Variants in EFCAB8 observed in about 807,000 individuals in gnomAD.
EFCAB8 encodes EF-hand calcium binding domain 8, also known as EF-hand calcium-binding domain-containing protein 8.
Under a neutral mutation model 116.3 loss-of-function variants are expected in EFCAB8, and 100 were observed. The observed-to-expected ratio is 0.86, with a 90% CI of 0.73 to 1.02. The LOEUF is 1.02. Ranked by LOEUF, EFCAB8 falls within the 50% of genes least tolerant of loss-of-function variation. The pLI is 0.00. For missense variants in EFCAB8, 1,320 were observed against 1,416.9 expected, an observed-to-expected ratio of 0.93 and a Z score of 1.10; for synonymous variants, 558 against 567.9, an observed-to-expected ratio of 0.98 and a Z score of 0.25.
At chr20:32,899,967 G>C (rs779345210) in intron 11 of EFCAB8, among the ~76,000 whole-genome samples, 17 of 152,160 alleles carry the variant, frequency 1.1e-4, no homozygotes, top group Admixed American at 5.9e-4. Flanking sequence ...CTGCTGGGTG[G>C]CTCTTGCCCC....
chr20:32,920,201 G>T lies in EFCAB8; in HGVS notation c.2398G>T (p.Ala800Ser). 6.4e-7 allele frequency: 1 copy of T among 1,551,716 alleles called. No homozygotes were observed. Among genetic ancestry groups the T allele is most frequent in the Non-Finnish European group, 8.7e-7 (1 of 1,146,988 alleles). Reference protein sequence around the residue: ...WQKNMLVQSSASVEKIIFLQT... With the variant: ...WQKNMLVQSSSSVEKIIFLQT... The stretch of plus-strand genomic sequence containing the variant: ...GAAGAATATGTTGGTTCAATCCAGT[G>T]CCTCGGTGGAGAAGGTTGGCCGTGA... Residue 800 changes from alanine (A) to serine (S), a missense_variant, in exon 20 of 27, where the codon GCC (alanine) becomes TCC (serine). Coordinates refer to ENST00000400522, the MANE Select transcript of EFCAB8 (RefSeq NM_001143967.2).
At chr20:32,932,047 G>A (rs1301112939) in intron 22 of EFCAB8, among the ~76,000 whole-genome samples, 1 of 152,102 alleles carries the variant, frequency 6.6e-6, no homozygotes. Flanking sequence ...CTTCATTAAC[G>A]GGCCTGATCA....
At chr20:32,865,715 C>G (rs1264148082) in intron 2 of EFCAB8, among the ~76,000 whole-genome samples, 1 of 151,608 alleles carries the variant, frequency 6.6e-6, no homozygotes, top group Non-Finnish European at 1.5e-5. Flanking sequence ...ACGAGAATCA[C>G]TTGAACCCAG....
intron 23 of EFCAB8, among the ~76,000 whole-genome samples, chr20:32,956,530 C>T (rs11699811): frequency 0.076 from 11,536 of 151,710 alleles, 465 homozygotes; most frequent in African/African-American, 0.11. Flanking sequence ...TTTATTTTGC[C>T]GTAAAATTTA....
chr20:32,931,142 G>T, intron 21 of EFCAB8, 36 bp from the exon 22 acceptor site: 1 of 1,489,778 alleles, frequency 6.7e-7, no homozygotes, highest in South Asian at 1.4e-5. Context: ...TCTGGGTCAA[G>T]GGGTGTGAGG....
rs1377288229 is a variant in EFCAB8, at chr20:32,961,358, A to G, written c.3616A>G (p.Thr1206Ala). The change falls in exon 27 of 27, where the codon ACT becomes GCT. Residue 1206 changes from threonine to alanine, a missense_variant. Coordinates refer to ENST00000400522, the MANE Select transcript of EFCAB8 (RefSeq NM_001143967.2). ...CTCCCCATCTTCCTTGTTATCTGTCACTGCCTCAGCCTCCAGGCTGCTGGA... is the reference window on the plus strand; with the variant it reads ...CTCCCCATCTTCCTTGTTATCTGTCGCTGCCTCAGCCTCCAGGCTGCTGGA... ...ASSPSSLLSV[T>A]ASASRLLDSS... 6.8e-7 allele frequency: 1 copy of G among 1,470,538 alleles called. No individual in the cohort carries two copies. 91.1% of individuals were successfully genotyped at this position (1,470,538 alleles called of 1,614,324 possible).
chr20:32,923,791 T>C (rs1987560622), intron 20 of EFCAB8, among the ~76,000 whole-genome samples: 1 of 152,188 alleles, frequency 6.6e-6, no homozygotes, highest in Non-Finnish European at 1.5e-5. Context: ...GCATTCCTTT[T>C]ACTAGTCACA....
Position 32,931,244 on chromosome 20 carries a change from G to A in EFCAB8, c.2698G>A (p.Val900Ile), listed in dbSNP as rs947025120. The A allele has an allele frequency of 2.6e-6, 4 of 1,551,234 alleles. No homozygotes were observed. In the African/African-American group the frequency reaches 4.1e-5, roughly 16 times the overall value. ...KQPFQSSGAK[V>I]VSEAHNKFRL... The stretch of plus-strand genomic sequence containing the variant: ...GCCATTCCAATCCAGTGGGGCCAAG[G>A]TTGTCTCTGAAGCACACAACAAGTT... The change falls in exon 22 of 27, where the codon GTT becomes ATT. Residue 900 changes from valine to isoleucine, a missense_variant. By Grantham distance (29) the Val-to-Ile change is conservative (BLOSUM62 3). Coordinates refer to ENST00000400522, the MANE Select transcript of EFCAB8 (RefSeq NM_001143967.2).
At chr20:32,906,187 A>T (rs1417252514) in intron 11 of EFCAB8, among the ~76,000 whole-genome samples, 1 of 152,154 alleles carries the variant, frequency 6.6e-6, no homozygotes, top group Admixed American at 6.5e-5. Context: ...GGATGGGAAG[A>T]TGCCTGTCCC....
intron 20 of EFCAB8, among the ~76,000 whole-genome samples, chr20:32,920,657 C>T (rs957324462): frequency 6.6e-6 from 1 of 152,124 alleles, no homozygotes; most frequent in Non-Finnish European, 1.5e-5. Flanking sequence ...AGGACCAGCC[C>T]CCATGATTCA....
intron 21 of EFCAB8, 116 bp from the exon 22 acceptor site, chr20:32,931,062 T>A: frequency 1.1e-6 from 1 of 878,988 alleles, no homozygotes; most frequent in Non-Finnish European, 1.7e-6. Flanking sequence ...GAGATGTAAG[T>A]AAGAACTGCC....
At chr20:32,866,787 CCTTCCTTCCCTCCCTCCCTCCCTCT>C (rs1362455260) in intron 2 of EFCAB8, among the ~76,000 whole-genome samples, 2 of 139,926 alleles carry the variant, frequency 1.4e-5, no homozygotes, top group African/African-American at 2.8e-5. Flanking sequence ...TTTCTTCCTT[CCTTCCTTCCCTCCCTCCCTCCCTCT>C]CTTCCTTCCT....
At position 32,906,505 on chromosome 20, in the gene EFCAB8, C is replaced by T. The variant is rs532979344; in HGVS notation, c.1089-57C>T. The T allele has an allele frequency of 8.2e-5, 59 of 716,922 alleles. 1 individual carries two copies. The highest frequency in any genetic ancestry group is 1.6e-4 in the South Asian group (11 of 67,416). 44.4% of individuals were successfully genotyped at this position (716,922 alleles called of 1,614,324 possible). A position where few individuals can be genotyped will look rare whatever the true frequency, so the allele number is the denominator to read the frequency against. On this transcript the variant is annotated intron_variant, in intron 11 of 26. Transcript: ENST00000400522. ...CTCCCACCCCAGGCTCAGTCTCAGA[C>T]GCTCTCTTGGGGCCACTGCTCCCGG...
At chr20:32,866,426 C>T (rs1984404156) in intron 2 of EFCAB8, among the ~76,000 whole-genome samples, 1 of 151,764 alleles carries the variant, frequency 6.6e-6, no homozygotes, top group African/African-American at 2.4e-5. Flanking sequence ...CTTTGATGGC[C>T]TGAGCTTTGG....
At chr20:32,926,007 A>G (rs954563599) in intron 20 of EFCAB8, among the ~76,000 whole-genome samples, 31 of 152,304 alleles carry the variant, frequency 2.0e-4, no homozygotes, top group African/African-American at 7.0e-4. Flanking sequence ...CACCATTCTG[A>G]CTGTGCTTTT....
intron 6 of EFCAB8, among the ~76,000 whole-genome samples, chr20:32,886,041 C>G (rs886431515): frequency 6.6e-6 from 1 of 152,212 alleles, no homozygotes; most frequent in African/African-American, 2.4e-5. Flanking sequence ...GGCCTTTTGC[C>G]TAGTCCAGGC....
intron 10 of EFCAB8, among the ~76,000 whole-genome samples, chr20:32,897,916 G>A (rs978073328): frequency 6.6e-6 from 1 of 152,230 alleles, no homozygotes; most frequent in African/African-American, 2.4e-5. Context: ...TCGTCACAGA[G>A]AGGAAAATCT....
At chr20:32,932,260 C>G (rs920774938) in intron 22 of EFCAB8, among the ~76,000 whole-genome samples, 4 of 152,106 alleles carry the variant, frequency 2.6e-5, no homozygotes, top group Non-Finnish European at 5.9e-5. Flanking sequence ...GCCTGTAATC[C>G]CAGCTACTTG....
At chr20:32,931,410 CT>C in intron 22 of EFCAB8, 74 bp downstream of exon 22, 1 of 1,420,414 alleles carries the variant, frequency 7.0e-7, no homozygotes, top group Non-Finnish European at 9.3e-7. Flanking sequence ...CATAAACTAA[CT>C]CATACCCAAG....
Sources: allele counts gnomAD v4.1 joint callset (sites outside exome capture counted in the v4.1 genomes callset), GRCh38; gene constraint gnomAD v4.1.1; transcripts MANE v1.5; gene names NCBI Gene and HGNC (gene_info 2026-07-23, HGNC 2026-07-21).